Variants in DTWD2 observed in about 807,000 individuals in gnomAD.
DTWD2 encodes tRNA-uridine aminocarboxypropyltransferase 2.
Under a neutral mutation model 31.8 loss-of-function variants are expected in DTWD2, and 39 were observed. The observed-to-expected ratio is 1.22, with a 90% confidence interval of 0.95 to 1.60. The LOEUF (loss-of-function observed/expected upper bound fraction) is 1.60, where lower values mean the gene tolerates loss of function less well. Ranked by LOEUF, DTWD2 falls within the 40% of genes most tolerant of loss-of-function variation. DTWD2 has a pLI of 0.00. For synonymous variants in DTWD2, 180 were observed against 142.8 expected, an observed-to-expected ratio of 1.26 and a Z score of -1.86; for missense variants, 515 against 381.5, an observed-to-expected ratio of 1.35 and a Z score of -2.92.
At chr5:118,923,132 C>T (rs1033560736) in intron 4 of DTWD2, among the ~76,000 whole-genome samples, 13 of 151,956 alleles carry the variant, frequency 8.6e-5, no homozygotes, top group African/African-American at 2.9e-4. Flanking sequence ...TTTCACCTTA[C>T]TTCACCTTAT....
chr5:118,963,461 G>C (rs984006365), intron 1 of DTWD2, among the ~76,000 whole-genome samples: 1 of 152,212 alleles, frequency 6.6e-6, no homozygotes, highest in African/African-American at 2.4e-5. Flanking sequence ...GAAGAGATGA[G>C]TGGACAGGCT....
At chr5:118,956,833 C>T (rs1037883808) in intron 1 of DTWD2, among the ~76,000 whole-genome samples, 5 of 152,112 alleles carry the variant, frequency 3.3e-5, no homozygotes, top group African/African-American at 1.2e-4. Context: ...CATAGCTATT[C>T]ATTCAACTAG....
intron 1 of DTWD2, among the ~76,000 whole-genome samples, chr5:118,964,650 C>T (rs1473294186): frequency 6.6e-6 from 1 of 152,232 alleles, no homozygotes; most frequent in Non-Finnish European, 1.5e-5. Context: ...CTGTGTTGGC[C>T]GGGCTGGTCT....
rs1413197807 is a variant in DTWD2, at chr5:118,928,578, C to T, written c.556G>A (p.Asp186Asn). 6.4e-7 allele frequency: 1 copy of T among 1,553,552 alleles called. No homozygotes were observed. Among genetic ancestry groups the T allele is most frequent in the East Asian group, 2.3e-5 (1 of 43,356 alleles). ...IIDGTWSQAK[D>N]IFYKNSLFRH... is the part of the protein sequence containing the mutation. ...AACAAGGAGTTCTTATAGAAAATGT[C>T]CTTAGCCTGGCTCCATGTACCATCA... is the stretch of plus-strand genomic sequence containing the variant. Residue 186 changes from aspartate (D) to asparagine (N), a missense_variant, in exon 4 of 6, where the codon GAC becomes AAC. By Grantham distance (23) the Asp-to-Asn change is conservative. Coordinates refer to ENST00000510708, the MANE Select transcript of DTWD2 (RefSeq NM_173666.4).
At chr5:118,987,997 C>A in intron 1 of DTWD2, 1 of 674,230 alleles carries the variant, frequency 1.5e-6, no homozygotes, top group Non-Finnish European at 2.7e-6. Context: ...TTACTGTCAT[C>A]ACCCCTTACT....
In DTWD2 at chr5:118,939,271, G is replaced by A. The variant is rs1167645377; in HGVS notation, c.329C>T (p.Thr110Ile). 6.3e-7 allele frequency: 1 copy of A among 1,585,554 alleles called. No individual in the cohort carries two copies. Among genetic ancestry groups the A allele is most frequent in the East Asian group, 2.3e-5 (1 of 43,608 alleles). Residue 110 changes from threonine to isoleucine, a missense_variant, in exon 3 of 6, where the codon ACA becomes ATA. Transcript: ENST00000510708. ...GAGGCATGCTGCTAGTAGAGGAACT[G>A]TACGCAACACTTTGTTTTCCTTTAA... ...HPAEENKVLR[T>I]VPLLAACLPQ...
At chr5:118,965,237 C>T (rs1271269514) in intron 1 of DTWD2, among the ~76,000 whole-genome samples, 2 of 151,736 alleles carry the variant, frequency 1.3e-5, no homozygotes, top group South Asian at 2.1e-4. Context: ...GGAGCATCTC[C>T]GCCCGACAGC....
Position 118,840,778 on chromosome 5 carries a change from ACTTC to A in DTWD2, c.*135_*138del. 1.2e-6 allele frequency: 1 copy of A among 829,388 alleles called. No individual in the cohort carries two copies. The highest frequency in any genetic ancestry group is 3.2e-5 in the South Asian group (1 of 30,968). The allele number at this position is 829,388 out of a possible 1,614,324, so 51.4% of individuals were successfully genotyped here. A position where few individuals can be genotyped will look rare whatever the true frequency, so the allele number is the denominator to read the frequency against. ...ATTTGTATTTATGAATATTTGGTTT[ACTTC>A]CTTCTTCTGGGTAAGATTAGTATGC... On this transcript the variant is annotated 3_prime_UTR_variant, in exon 6 of 6. Coordinates refer to ENST00000510708, the MANE Select transcript of DTWD2 (RefSeq NM_173666.4).
intron 4 of DTWD2, among the ~76,000 whole-genome samples, chr5:118,888,315 T>A (rs1752910327): frequency 6.6e-6 from 1 of 152,196 alleles, no homozygotes; most frequent in Non-Finnish European, 1.5e-5. Context: ...TATACATTAG[T>A]TTGAATTTCC....
chr5:118,988,040 A>G (rs1449789723), intron 1 of DTWD2: 1 of 701,214 alleles, frequency 1.4e-6, no homozygotes, highest in Non-Finnish European at 2.6e-6. Flanking sequence ...TCTTGGAAAC[A>G]GAACTGATGT....
At chr5:118,867,194 G>A (rs972398903) in intron 4 of DTWD2, among the ~76,000 whole-genome samples, 106 of 152,116 alleles carry the variant, frequency 7.0e-4, no homozygotes, top group African/African-American at 2.5e-3. Context: ...ATGGAATGAG[G>A]TAATGATTTA....
At position 118,978,241 on chromosome 5, in the gene DTWD2, C is replaced by T. The variant is rs146468740; in HGVS notation, c.218+10053G>A. Among the ~76,000 whole-genome samples, 679 of 152,068 alleles carry T rather than the reference C, an allele frequency of 4.5e-3. 7 individuals carry two copies. The highest frequency in any genetic ancestry group is 0.015 in the African/African-American group (637 of 41,488). ...AAACTAACTCAAGATGAATTAAAGA[C>T]GTAAATGTAAAACCCAAAACTAGAA... On this transcript the variant is annotated intron_variant, in intron 1 of 5. Coordinates refer to ENST00000510708, the MANE Select transcript of DTWD2 (RefSeq NM_173666.4).
intron 4 of DTWD2, among the ~76,000 whole-genome samples, chr5:118,869,931 TTGA>T (rs1752465525): frequency 6.6e-6 from 1 of 152,092 alleles, no homozygotes; most frequent in South Asian, 2.1e-4. Flanking sequence ...AACCATCCCC[TTGA>T]TGATGTGTGA....
Position 118,966,267 on chromosome 5 carries a change from T to C in DTWD2, c.219-21618A>G, listed in dbSNP as rs555108776. Among the ~76,000 whole-genome samples the C allele has an allele frequency of 2.0e-5, 3 of 152,356 alleles. No homozygotes were observed. In the South Asian group the frequency reaches 6.2e-4, roughly 32 times the overall value. On this transcript the variant is annotated intron_variant, in intron 1 of 5. Coordinates refer to ENST00000510708, the MANE Select transcript of DTWD2 (RefSeq NM_173666.4). ...CAAAAGTAAACCTCAAAAAATATGA[T>C]AAAATGTTCAAGTTTAAAAAAGCAT...
chr5:118,848,209 T>C lies in DTWD2; in HGVS notation c.607A>G (p.Lys203Glu). 6.3e-7 allele frequency: 1 copy of C among 1,587,484 alleles called. No homozygotes were observed. The highest frequency in any genetic ancestry group is 8.5e-7 in the Non-Finnish European group (1 of 1,171,610). Reference sequence around the variant, plus strand: ...ACATACTGACTAGAAATGCTAGTTTTTAATTGCACCTGAAATCAAAAACAA... The same window carrying C: ...ACATACTGACTAGAAATGCTAGTTTCTAATTGCACCTGAAATCAAAAACAA... ...LFRHPKQVQLKTSISSQYVIR... is the reference protein window; with the variant it reads ...LFRHPKQVQLETSISSQYVIR... Residue 203 changes from lysine (K) to glutamate (E), a missense_variant, in exon 5 of 6, where the codon AAA becomes GAA. Physicochemically the swap from Lys to Glu is moderately conservative, Grantham distance 56. Coordinates refer to ENST00000510708, the MANE Select transcript of DTWD2 (RefSeq NM_173666.4).
chr5:118,979,402 T>C (rs1436221106), intron 1 of DTWD2, among the ~76,000 whole-genome samples: 1 of 152,210 alleles, frequency 6.6e-6, no homozygotes, highest in African/African-American at 2.4e-5. Flanking sequence ...TTTTATACTA[T>C]TGGTGGAAGT....
Position 118,851,854 on chromosome 5 carries a change from G to A in DTWD2, c.598-3636C>T, listed in dbSNP as rs13168813. On this transcript the variant is annotated intron_variant, in intron 4 of 5. Transcript: ENST00000510708. ...TAAAGTATAATAAAAAAAAAAAAAA[G>A]AAAAAAGAAAACAGGGTTCAAGAGC... is the stretch of plus-strand genomic sequence containing the variant. Among the ~76,000 whole-genome samples the A allele has an allele frequency of 7.8e-4, 113 of 144,918 alleles. 3 individuals are homozygous for A. The highest frequency in any genetic ancestry group is 7.2e-3 in the Middle Eastern group (2 of 276).
chr5:118,939,122 A>G (rs899888015), intron 3 of DTWD2, 74 bp downstream of exon 3: 1 of 1,403,764 alleles, frequency 7.1e-7, no homozygotes, highest in South Asian at 1.5e-5. Flanking sequence ...GCTGAAAGAA[A>G]TAAGCTGAAA....
intron 1 of DTWD2, among the ~76,000 whole-genome samples, chr5:118,968,634 C>T (rs897818345): frequency 1.3e-5 from 2 of 152,144 alleles, no homozygotes; most frequent in African/African-American, 2.4e-5. Flanking sequence ...TCAGGAGATC[C>T]CCCCCTGAGC....
Sources: allele counts gnomAD v4.1 joint callset (sites outside exome capture counted in the v4.1 genomes callset), GRCh38; gene constraint gnomAD v4.1.1; transcripts MANE v1.5; gene names NCBI Gene and HGNC (gene_info 2026-07-23, HGNC 2026-07-21).